LOC128462377: variants seen among roughly 807,000 people sequenced by gnomAD.
At chr16:89,396,059 T>C in the LOC128462377 span, 1 of 152,148 alleles carries the variant, frequency 6.6e-6, no homozygotes, top group African/African-American at 2.4e-5. Context: ...TGGCAGATCA[T>C]TTCTAAAAAA....
the LOC128462377 span, among the ~76,000 whole-genome samples, chr16:89,338,422 G>GT: frequency 9.6e-5 from 9 of 93,548 alleles, no homozygotes; most frequent in Non-Finnish European, 1.9e-4. Flanking sequence ...CATACACTCT[G>GT]TTAAAAAAAA....
At chr16:89,414,999 C>T in the LOC128462377 span, among the ~76,000 whole-genome samples, 1 of 152,174 alleles carries the variant, frequency 6.6e-6, no homozygotes, top group Non-Finnish European at 1.5e-5. Flanking sequence ...GGCTGGAGTG[C>T]AGTGGTGTGA....
the LOC128462377 span, among the ~76,000 whole-genome samples, chr16:89,380,328 T>A: frequency 6.6e-6 from 1 of 152,182 alleles, no homozygotes; most frequent in Admixed American, 6.5e-5. Context: ...GCCAAGCTGG[T>A]CTCAAACTCC....
chr16:89,348,987 G>A, the LOC128462377 span, among the ~76,000 whole-genome samples: 3 of 151,140 alleles, frequency 2.0e-5, no homozygotes, highest in African/African-American at 7.3e-5. Context: ...AACTAGCCAG[G>A]AGTAGTAGAG....
the LOC128462377 span, among the ~76,000 whole-genome samples, chr16:89,322,475 T>TC: frequency 6.6e-6 from 1 of 152,164 alleles, no homozygotes; most frequent in Non-Finnish European, 1.5e-5. Context: ...ATTCAGCCCC[T>TC]CCCCTCACGC....
the LOC128462377 span, among the ~76,000 whole-genome samples, chr16:89,408,042 G>A: frequency 6.6e-6 from 1 of 152,132 alleles, no homozygotes. Flanking sequence ...CAGTGGTAGT[G>A]CCCCTGCCCT....
At chr16:89,364,733 A>G in the LOC128462377 span, among the ~76,000 whole-genome samples, 5 of 152,212 alleles carry the variant, frequency 3.3e-5, no homozygotes, top group Admixed American at 1.3e-4. Flanking sequence ...CGCGGGCTGG[A>G]CAAGCTTGCC....
chr16:89,408,754 G>A, the LOC128462377 span, among the ~76,000 whole-genome samples: 1 of 152,152 alleles, frequency 6.6e-6, no homozygotes, highest in Non-Finnish European at 1.5e-5. Flanking sequence ...ATCAGCCGTG[G>A]AATCCTGAAT....
the LOC128462377 span, among the ~76,000 whole-genome samples, chr16:89,330,992 C>T: frequency 1.3e-5 from 2 of 152,210 alleles, no homozygotes; most frequent in Non-Finnish European, 2.9e-5. Context: ...CTCACTTTGT[C>T]GCCCAGGCTG....
the LOC128462377 span, among the ~76,000 whole-genome samples, chr16:89,385,121 G>A: frequency 6.6e-6 from 1 of 151,732 alleles, no homozygotes; most frequent in Non-Finnish European, 1.5e-5. Flanking sequence ...CTTGACCTCA[G>A]GTCCTCCACC....
At chr16:89,368,643 C>A in the LOC128462377 span, among the ~76,000 whole-genome samples, 14 of 150,294 alleles carry the variant, frequency 9.3e-5, no homozygotes, top group Non-Finnish European at 1.6e-4. Context: ...TGCCATGGCT[C>A]ACATCTGTAA....
chr16:89,412,894 G>A, the LOC128462377 span, among the ~76,000 whole-genome samples: 2 of 152,196 alleles, frequency 1.3e-5, no homozygotes, highest in African/African-American at 2.4e-5. Flanking sequence ...GCAGAGGACA[G>A]AGGACAGCAG....
chr16:89,404,981 G>A, the LOC128462377 span, among the ~76,000 whole-genome samples: 2 of 152,278 alleles, frequency 1.3e-5, no homozygotes, highest in African/African-American at 4.8e-5. Context: ...AAATAAAACT[G>A]AAATCAGACT....
chr16:89,381,842 A>C, the LOC128462377 span, among the ~76,000 whole-genome samples: 1 of 152,258 alleles, frequency 6.6e-6, no homozygotes, highest in African/African-American at 2.4e-5. Context: ...GTCAGATGAG[A>C]CCCAGGAGGG....
At chr16:89,383,161 T>A in the LOC128462377 span, among the ~76,000 whole-genome samples, 1 of 152,246 alleles carries the variant, frequency 6.6e-6, no homozygotes, top group African/African-American at 2.4e-5. Context: ...AACAGCCGCC[T>A]GTGCTGCTGA....
chr16:89,354,448 A>G, the LOC128462377 span, among the ~76,000 whole-genome samples: 1 of 152,222 alleles, frequency 6.6e-6, no homozygotes, highest in Non-Finnish European at 1.5e-5. Context: ...CGCAGTGCAG[A>G]GCCAGCCCAC....
chr16:89,370,995 G>A, the LOC128462377 span, among the ~76,000 whole-genome samples: 1 of 152,152 alleles, frequency 6.6e-6, no homozygotes, highest in Non-Finnish European at 1.5e-5. Flanking sequence ...CCTTGCTTGA[G>A]CTCTCCTAGT....
chr16:89,321,922 C>T, the LOC128462377 span, among the ~76,000 whole-genome samples: 2 of 152,108 alleles, frequency 1.3e-5, no homozygotes, highest in Non-Finnish European at 2.9e-5. Context: ...GAAAGCCATT[C>T]GTGGAGACCC....
chr16:89,349,983 A>G, the LOC128462377 span, among the ~76,000 whole-genome samples: 7 of 152,122 alleles, frequency 4.6e-5, no homozygotes, highest in African/African-American at 1.7e-4. Flanking sequence ...AAATCAGCAG[A>G]CAACCCGATT....
Sources: allele counts gnomAD v4.1 joint callset (sites outside exome capture counted in the v4.1 genomes callset), GRCh38; gene constraint gnomAD v4.1.1; transcripts MANE v1.5.